CRPPA: variants seen among roughly 807,000 people sequenced by gnomAD.
The protein encoded by CRPPA is D-ribitol-5-phosphate cytidylyltransferase.
Under a neutral mutation model 52.0 loss-of-function variants are expected in CRPPA, and 43 were observed. The ratio of observed to expected loss-of-function variants is 0.83; its 90% CI spans 0.65 to 1.07. The LOEUF (loss-of-function observed/expected upper bound fraction) is 1.07, where lower values mean the gene tolerates loss of function less well. Ranked by LOEUF, CRPPA falls within the 50% of genes least tolerant of loss-of-function variation. CRPPA has a pLI of 0.00. For missense variants in CRPPA, 629 were observed against 551.7 expected (o/e 1.14, Z -1.40); for synonymous variants, 250 against 203.5 (o/e 1.23, Z -1.94).
intron 9 of CRPPA, among the ~76,000 whole-genome samples, chr7:16,126,890 T>C (rs998303758): frequency 2.0e-5 from 3 of 152,068 alleles, no homozygotes; most frequent in Non-Finnish European, 2.9e-5. Context: ...GCAAAGAAAT[T>C]TGAACTAATG....
intron 9 of CRPPA, among the ~76,000 whole-genome samples, chr7:16,203,756 G>A (rs372403105): frequency 1.3e-5 from 2 of 152,098 alleles, no homozygotes; most frequent in East Asian, 3.9e-4. Flanking sequence ...CCATTAAGAA[G>A]TCCCAACTGA....
At chr7:16,103,624 T>C (rs1455369709) in intron 9 of CRPPA, among the ~76,000 whole-genome samples, 2 of 152,096 alleles carry the variant, frequency 1.3e-5, no homozygotes, top group African/African-American at 4.8e-5. Flanking sequence ...GTCTAAGAAG[T>C]AAGTGTAAGG....
At chr7:16,297,070 T>C (rs367696778) in intron 5 of CRPPA, among the ~76,000 whole-genome samples, 1 of 152,172 alleles carries the variant, frequency 6.6e-6, no homozygotes, top group East Asian at 1.9e-4. Context: ...AGTAGCTATG[T>C]GAATCAGAGG....
At position 16,324,016 on chromosome 7, in the gene CRPPA, G is replaced by T. The variant is rs193228311; in HGVS notation, c.685-15389C>A. On this transcript the variant is annotated intron_variant, in intron 3 of 9. Transcript: ENST00000407010. ...ATCAGTAACACGGATGCAAATAGGA[G>T]GAAGCAGAGAAGATGTCCATGCACT... Among the ~76,000 whole-genome samples the T allele has an allele frequency of 5.3e-5, 8 of 152,298 alleles. No individual in the cohort carries two copies. In the East Asian group the frequency reaches 1.5e-3, roughly 29 times the overall value.
At chr7:16,400,378 A>T (rs970984765) in intron 2 of CRPPA, among the ~76,000 whole-genome samples, 3 of 152,220 alleles carry the variant, frequency 2.0e-5, no homozygotes, top group Non-Finnish European at 2.9e-5. Flanking sequence ...CGTTTGTGAC[A>T]CACTGACCTG....
chr7:16,299,469 T>C (rs1171569061), intron 5 of CRPPA, among the ~76,000 whole-genome samples: 3 of 152,198 alleles, frequency 2.0e-5, no homozygotes, highest in African/African-American at 7.2e-5. Flanking sequence ...ATGTATATTC[T>C]GACTGAATGA....
At chr7:16,398,043 G>A (rs1179578590) in intron 2 of CRPPA, among the ~76,000 whole-genome samples, 1 of 152,212 alleles carries the variant, frequency 6.6e-6, no homozygotes, top group Non-Finnish European at 1.5e-5. Flanking sequence ...ATCAACATGT[G>A]TCACAGCTGA....
chr7:16,156,517 C>A (rs770569724), intron 9 of CRPPA, among the ~76,000 whole-genome samples: 5 of 152,212 alleles, frequency 3.3e-5, no homozygotes, highest in Non-Finnish European at 7.3e-5. Context: ...TTGCTCCATA[C>A]TTCTGCCTCT....
intron 8 of CRPPA, among the ~76,000 whole-genome samples, chr7:16,254,796 A>AGAAAGAAAGAAAGAAAGAAAGAAG (rs1783576212): frequency 1.6e-4 from 8 of 49,586 alleles, no homozygotes; most frequent in African/African-American, 5.4e-4. Context: ...AAAGAAGGAA[A>AGAAAGAAAGAAAGAAAGAAAGAAG]GAAAGAAAGA....
rs4642541 is a variant in CRPPA, at chr7:16,216,718, T to C, written c.1120-521A>G. ...AAATCGGGTCACTCCCACCCGAATA[T>C]TGCGCTTTTCGGACCAGCTTAAAAA... On this transcript the variant is annotated intron_variant, in intron 8 of 9. Transcript: ENST00000407010. 5.5e-3 allele frequency: 849 copies of C among 154,728 alleles called. 6 individuals carry two copies. The highest frequency in any genetic ancestry group is 0.013 in the African/African-American group (556 of 41,580). The allele number at this position is 154,728 out of a possible 1,614,324, so 9.6% of individuals were successfully genotyped here.
chr7:16,310,464 G>A (rs954250341), intron 3 of CRPPA, among the ~76,000 whole-genome samples: 1 of 152,166 alleles, frequency 6.6e-6, no homozygotes, highest in Non-Finnish European at 1.5e-5. Context: ...AGATTGTAAT[G>A]TGAAAGATCA....
At chr7:16,319,603 T>C (rs1046389233) in intron 3 of CRPPA, among the ~76,000 whole-genome samples, 2 of 152,132 alleles carry the variant, frequency 1.3e-5, no homozygotes, top group African/African-American at 4.8e-5. Flanking sequence ...TCTTTCTTCC[T>C]ACACTGGACA....
chr7:16,400,503 C>T (rs375944752), intron 2 of CRPPA, among the ~76,000 whole-genome samples: 1 of 152,154 alleles, frequency 6.6e-6, no homozygotes, highest in Non-Finnish European at 1.5e-5. Flanking sequence ...TGTATAACAC[C>T]CGAACGACAC....
At chr7:16,201,170 A>C (rs997224555) in intron 9 of CRPPA, among the ~76,000 whole-genome samples, 35 of 152,186 alleles carry the variant, frequency 2.3e-4, no homozygotes, top group African/African-American at 8.4e-4. Flanking sequence ...TAGCATTTGA[A>C]ATTTCTAAAT....
chr7:16,248,855 T>C (rs1002886045), intron 8 of CRPPA, among the ~76,000 whole-genome samples: 2 of 152,142 alleles, frequency 1.3e-5, no homozygotes, highest in African/African-American at 4.8e-5. Flanking sequence ...AGTATACTCT[T>C]GCCCAGATAC....
chr7:16,104,274 C>T (rs796345945), intron 9 of CRPPA, among the ~76,000 whole-genome samples: 1 of 152,096 alleles, frequency 6.6e-6, no homozygotes, highest in African/African-American at 2.4e-5. Flanking sequence ...GGCAAAGCTC[C>T]CTCCCAGAAT....
At chr7:16,177,901 C>T (rs926894439) in intron 9 of CRPPA, among the ~76,000 whole-genome samples, 7 of 152,004 alleles carry the variant, frequency 4.6e-5, no homozygotes, top group Admixed American at 4.6e-4. Context: ...CACTGTGGTT[C>T]TTCCAAGCTT....
chr7:16,219,009 A>G (rs1782419856), intron 8 of CRPPA, among the ~76,000 whole-genome samples: 1 of 152,172 alleles, frequency 6.6e-6, no homozygotes, highest in South Asian at 2.1e-4. Context: ...GCACCACACC[A>G]AACCTATTCC....
intron 5 of CRPPA, among the ~76,000 whole-genome samples, chr7:16,287,985 T>A (rs796439660): frequency 5.9e-5 from 9 of 151,730 alleles, no homozygotes; most frequent in African/African-American, 1.7e-4. Flanking sequence ...TACACAGACA[T>A]CTACAGAGGG....
Sources: allele counts gnomAD v4.1 joint callset (sites outside exome capture counted in the v4.1 genomes callset), GRCh38; gene constraint gnomAD v4.1.1; transcripts MANE v1.5; gene names NCBI Gene and HGNC (gene_info 2026-07-23, HGNC 2026-07-21).